CACUL1: variants seen among roughly 807,000 people sequenced by gnomAD.
The protein encoded by CACUL1 is CDK2-associated and cullin domain-containing protein 1.
A neutral mutation model predicts 45.2 loss-of-function variants in CACUL1; 13 were observed. The ratio of observed to expected loss-of-function variants is 0.29; its 90% CI spans 0.19 to 0.46. The LOEUF is 0.46. Ranked by LOEUF, CACUL1 falls within the 20% of genes least tolerant of loss-of-function variation. The pLI is 1.00. For synonymous variants in CACUL1, 197 were observed against 174.2 expected, an observed-to-expected ratio of 1.13 and a Z score of -1.03; for missense variants, 421 against 471.4, an observed-to-expected ratio of 0.89 and a Z score of 0.99.
chr10:118,749,160 C>T (rs1007320161), intron 1 of CACUL1, among the ~76,000 whole-genome samples: 5 of 151,946 alleles, frequency 3.3e-5, no homozygotes, highest in Admixed American at 6.6e-5. Flanking sequence ...GGTGGTTGTC[C>T]CTTGTAATTC....
intron 3 of CACUL1, among the ~76,000 whole-genome samples, chr10:118,727,215 C>G (rs572227269): frequency 6.6e-6 from 1 of 151,840 alleles, no homozygotes; most frequent in East Asian, 1.9e-4. Flanking sequence ...ACGGCAAAAC[C>G]CCATCTCTAA....
intron 1 of CACUL1, among the ~76,000 whole-genome samples, chr10:118,752,003 C>T (rs1047873327): frequency 6.6e-6 from 1 of 152,082 alleles, no homozygotes; most frequent in Admixed American, 6.5e-5. Flanking sequence ...TAAATGCTAT[C>T]AAATTTTTGT....
rs1845194277 is a variant in CACUL1, at chr10:118,685,383, G to T, written c.*745C>A. ...AACCAGGGGAAAATCCGACCCATGTGCAAAAGGTTTCTATTTTCCCACTTA... is the reference window on the plus strand; with the variant it reads ...AACCAGGGGAAAATCCGACCCATGTTCAAAAGGTTTCTATTTTCCCACTTA... On this transcript the variant is annotated 3_prime_UTR_variant, in exon 9 of 9. Coordinates refer to ENST00000369151, the MANE Select transcript of CACUL1 (RefSeq NM_153810.5). The T allele has an allele frequency of 7.9e-6, 1 of 125,918 alleles. No individual in the cohort carries two copies. Among genetic ancestry groups the T allele is most frequent in the African/African-American group, 2.9e-5 (1 of 34,978 alleles). The allele number at this position is 125,918 out of a possible 1,614,324, so 7.8% of individuals were successfully genotyped here. A position where few individuals can be genotyped will look rare whatever the true frequency, so the allele number is the denominator to read the frequency against.
At position 118,754,469 on chromosome 10, in the gene CACUL1, G is replaced by C. The variant is rs778869087; in HGVS notation, c.294C>G (p.Ala98=). Reference sequence around the variant, plus strand: ...GGGCGGGGGCCGCCTTGGCCACGGCGGCGGCCGCGTCGCAGCTCTTCAACA... The same window carrying C: ...GGGCGGGGGCCGCCTTGGCCACGGCCGCGGCCGCGTCGCAGCTCTTCAACA... The part of the protein sequence containing the change: ...IMMLKSCDAA[A]AVAKAAPAPT... The change falls in exon 1 of 9, where the codon GCC becomes GCG. Residue 98 remains alanine, a synonymous_variant. Transcript: ENST00000369151. 4 of 1,608,090 alleles carry C rather than the reference G, an allele frequency of 2.5e-6. No homozygotes were observed. Among genetic ancestry groups the C allele is most frequent in the Non-Finnish European group, 3.4e-6 (4 of 1,177,708 alleles).
chr10:118,703,828 A>G (rs556925706), intron 4 of CACUL1, among the ~76,000 whole-genome samples: 1 of 152,110 alleles, frequency 6.6e-6, no homozygotes, highest in Non-Finnish European at 1.5e-5. Context: ...TCATGTTTAT[A>G]ATCTTTTTTT....
At position 118,701,388 on chromosome 10, in the gene CACUL1, G is replaced by C. The variant is rs781666279; in HGVS notation, c.714C>G (p.Thr238=). ...CATCTTTTAAGTCTCTGTTAAGCTT[G>C]GTTTCGATGTAAAACTTATTCTGAA... ...FIYMNKFYIE[T]KLNRDLKDDL... is the part of the protein sequence containing the mutation. The change falls in exon 5 of 9, where the codon ACC becomes ACG. Residue 238 remains threonine, a synonymous_variant. Transcript: ENST00000369151. 5 of 1,555,802 alleles carry C rather than the reference G, an allele frequency of 3.2e-6. No individual in the cohort carries two copies. The highest frequency in any genetic ancestry group is 4.4e-6 in the Non-Finnish European group (5 of 1,140,784).
chr10:118,746,416 C>T (rs149504700), intron 1 of CACUL1, among the ~76,000 whole-genome samples: 23 of 152,238 alleles, frequency 1.5e-4, no homozygotes, highest in African/African-American at 7.2e-5. Context: ...ATAGAATAAA[C>T]GGAGCCTCAA....
Position 118,754,938 on chromosome 10 carries a change from C to T in CACUL1, c.-176G>A, listed in dbSNP as rs1312797794. ...TCCGCGGGGCCGACTAGCTTGAAGA[C>T]GCGGCTGACGGCGGTGGGCGCTCCG... On this transcript the variant is annotated 5_prime_UTR_variant, in exon 1 of 9. Coordinates refer to ENST00000369151, the MANE Select transcript of CACUL1 (RefSeq NM_153810.5). The T allele has an allele frequency of 3.7e-6, 3 of 818,048 alleles. No homozygotes were observed. Among genetic ancestry groups the T allele is most frequent in the South Asian group, 2.3e-5 (1 of 42,596 alleles). 50.7% of individuals were successfully genotyped at this position (818,048 alleles called of 1,614,324 possible).
intron 3 of CACUL1, among the ~76,000 whole-genome samples, chr10:118,708,732 G>A (rs888227685): frequency 2.6e-5 from 4 of 152,024 alleles, no homozygotes; most frequent in Non-Finnish European, 5.9e-5. Context: ...TCAGGTTCTC[G>A]CTCCTCCCAT....
chr10:118,696,973 C>G (rs1845329520), intron 5 of CACUL1, among the ~76,000 whole-genome samples: 1 of 147,528 alleles, frequency 6.8e-6, no homozygotes, highest in Non-Finnish European at 1.5e-5. Flanking sequence ...CTGAAATCCC[C>G]TATGTCAAAT....
At chr10:118,740,039 C>T (rs562477418) in intron 1 of CACUL1, among the ~76,000 whole-genome samples, 3 of 152,230 alleles carry the variant, frequency 2.0e-5, no homozygotes, top group East Asian at 3.9e-4. Flanking sequence ...CCCAGCTACT[C>T]AGGAGACTGA....
At chr10:118,702,910 T>C (rs1204176746) in intron 4 of CACUL1, among the ~76,000 whole-genome samples, 2 of 152,168 alleles carry the variant, frequency 1.3e-5, no homozygotes, top group Non-Finnish European at 2.9e-5. Context: ...TAAGTGTTAA[T>C]GCAGAAGAGT....
Position 118,701,378 on chromosome 10 carries a change from T to C in CACUL1, c.724A>G (p.Arg242Gly), listed in dbSNP as rs747383590. Residue 242 changes from arginine (R) to glycine (G), a missense_variant, in exon 5 of 9, where the codon AGA becomes GGA. Physicochemically the swap from Arg to Gly is moderately radical, Grantham distance 125 (BLOSUM62 -2). This residue lies in a region of CACUL1 where 208 missense variants were observed against 298.4 expected (regional missense o/e 0.70). Coordinates refer to ENST00000369151, the MANE Select transcript of CACUL1 (RefSeq NM_153810.5). ...NKFYIETKLN[R>G]DLKDDLIKLF... ...TTTATAAGGTCATCTTTTAAGTCTCTGTTAAGCTTGGTTTCGATGTAAAAC... is the reference window on the plus strand; with the variant it reads ...TTTATAAGGTCATCTTTTAAGTCTCCGTTAAGCTTGGTTTCGATGTAAAAC... The C allele has an allele frequency of 2.6e-6, 4 of 1,568,094 alleles. No homozygotes were observed. In the African/African-American group the frequency reaches 5.4e-5, roughly 21 times the overall value.
At chr10:118,708,385 T>C (rs1472344221) in intron 3 of CACUL1, among the ~76,000 whole-genome samples, 1 of 152,116 alleles carries the variant, frequency 6.6e-6, no homozygotes, top group Non-Finnish European at 1.5e-5. Flanking sequence ...AACCCTTCTG[T>C]AGCTAATTAT....
chr10:118,733,910 G>A (rs144193265), intron 1 of CACUL1, among the ~76,000 whole-genome samples: 152 of 152,220 alleles, frequency 1.0e-3, no homozygotes, highest in African/African-American at 3.5e-3. Context: ...TCAGCTACTC[G>A]GGAGGCTGAG....
intron 3 of CACUL1, among the ~76,000 whole-genome samples, chr10:118,717,025 G>T (rs1051017345): frequency 2.0e-5 from 3 of 152,200 alleles, no homozygotes; most frequent in Non-Finnish European, 2.9e-5. Flanking sequence ...CGAATCACCT[G>T]AAGGGACTGG....
intron 2 of CACUL1, 74 bp downstream of exon 2, chr10:118,730,210 G>A: frequency 7.6e-6 from 11 of 1,442,618 alleles, no homozygotes; most frequent in South Asian, 3.5e-5. Flanking sequence ...TTACATGTTT[G>A]TGTGAGGCAT....
chr10:118,695,835 C>T (rs974572596), intron 5 of CACUL1, among the ~76,000 whole-genome samples: 3 of 152,096 alleles, frequency 2.0e-5, no homozygotes, highest in Admixed American at 1.3e-4. Flanking sequence ...AAGTTTTTAA[C>T]GAGTAAGAAT....
Position 118,754,356 on chromosome 10 carries a change from G to A in CACUL1, c.367+40C>T, listed in dbSNP as rs372454130. 1.7e-4 allele frequency: 246 copies of A among 1,464,370 alleles called. 1 individual carries two copies. Among genetic ancestry groups the A allele is most frequent in the Non-Finnish European group, 2.1e-4 (232 of 1,105,736 alleles). The allele number at this position is 1,464,370 out of a possible 1,614,324, so 90.7% of individuals were successfully genotyped here. ...GGGGTGGATTCGGCGTCCGAGTGAG[G>A]TGGAGAAAAGCCAAGGCTGCAGGGA... On this transcript the variant is annotated intron_variant, in intron 1 of 8. Transcript: ENST00000369151.
Sources: gnomAD v4.1 joint callset for allele counts (sites outside exome capture counted in the v4.1 genomes callset) on GRCh38, gnomAD v4.1.1 for gene constraint, gnomAD v4.1.1 regional missense constraint, MANE v1.5 for transcripts, NCBI Gene and HGNC (gene_info 2026-07-23, HGNC 2026-07-21) for gene names.